CPAP: variants seen among roughly 807,000 people sequenced by gnomAD.
CPAP encodes the protein centrosome assembly and centriole elongation protein.
chr13:24,892,346 A>G, the CPAP span, among the ~76,000 whole-genome samples: 1 of 152,242 alleles, frequency 6.6e-6, no homozygotes, highest in Non-Finnish European at 1.5e-5. Context: ...CAATGCTTGA[A>G]AAATCATTTT....
chr13:24,888,570 G>GCTGA, the CPAP span, among the ~76,000 whole-genome samples: 2 of 148,332 alleles, frequency 1.3e-5, no homozygotes, highest in Non-Finnish European at 3.0e-5. Context: ...AGCATACTCT[G>GCTGA]CTGACAGTAA....
the CPAP span, chr13:24,886,482 C>CTAAT: frequency 3.5e-6 from 2 of 574,600 alleles, no homozygotes; most frequent in East Asian, 6.7e-5. Context: ...TTCAATGTAA[C>CTAAT]TAATAGATCC....
chr13:24,900,597 G>A, the CPAP span, among the ~76,000 whole-genome samples: 3 of 152,088 alleles, frequency 2.0e-5, no homozygotes, highest in Admixed American at 6.6e-5. Flanking sequence ...AGCCGAGATC[G>A]CACCATTGCA....
the CPAP span, among the ~76,000 whole-genome samples, chr13:24,928,281 G>A: frequency 6.6e-6 from 1 of 152,186 alleles, no homozygotes; most frequent in East Asian, 1.9e-4. Flanking sequence ...GGTGATCCGG[G>A]CTAGAAAGGG....
At chr13:24,901,068 C>T in the CPAP span, among the ~76,000 whole-genome samples, 1 of 152,072 alleles carries the variant, frequency 6.6e-6, no homozygotes, top group Non-Finnish European at 1.5e-5. Flanking sequence ...GGATCTGGGG[C>T]GTAACAGCAT....
chr13:24,906,429 C>A, the CPAP span: 1 of 1,613,710 alleles, frequency 6.2e-7, no homozygotes, highest in East Asian at 2.2e-5. Context: ...CTCTTAGCAG[C>A]CAGCCGGCTG....
chr13:24,923,283 T>G, the CPAP span, among the ~76,000 whole-genome samples: 4 of 151,664 alleles, frequency 2.6e-5, no homozygotes, highest in Middle Eastern at 3.2e-3. Context: ...TATTTTGTCG[T>G]TTTTTTGGTT....
the CPAP span, among the ~76,000 whole-genome samples, chr13:24,915,461 T>G: frequency 6.6e-6 from 1 of 152,262 alleles, no homozygotes; most frequent in South Asian, 2.1e-4. Flanking sequence ...AGATGGTATT[T>G]AAAGCCTTGA....
the CPAP span, chr13:24,905,874 C>A: frequency 6.2e-7 from 1 of 1,614,200 alleles, no homozygotes; most frequent in Non-Finnish European, 8.5e-7. Flanking sequence ...ATGCCCCTCT[C>A]TCTATCCTCA....
chr13:24,905,248 G>T, the CPAP span: 1 of 1,153,138 alleles, frequency 8.7e-7, no homozygotes, highest in Non-Finnish European at 1.3e-6. Flanking sequence ...ATTCTATTGA[G>T]CAATAAGGAA....
chr13:24,911,727 A>G, the CPAP span, among the ~76,000 whole-genome samples: 26 of 150,964 alleles, frequency 1.7e-4, no homozygotes, highest in South Asian at 4.6e-3. Flanking sequence ...TTTAATGAAT[A>G]AACATCAATG....
At chr13:24,891,549 T>C in the CPAP span, among the ~76,000 whole-genome samples, 1 of 152,036 alleles carries the variant, frequency 6.6e-6, no homozygotes, top group African/African-American at 2.4e-5. Context: ...TCCTGACTCC[T>C]TCCTTGCTGT....
chr13:24,931,306 C>CTTTCT, the CPAP span, among the ~76,000 whole-genome samples: 1 of 72,646 alleles, frequency 1.4e-5, no homozygotes, highest in African/African-American at 6.6e-5. Context: ...TTTCATGTTT[C>CTTTCT]TTTTTTTTTT....
At chr13:24,893,483 G>A in the CPAP span, among the ~76,000 whole-genome samples, 1 of 152,246 alleles carries the variant, frequency 6.6e-6, no homozygotes, top group Non-Finnish European at 1.5e-5. Context: ...GGCAGCAGGT[G>A]CGGCCCGGCC....
the CPAP span, among the ~76,000 whole-genome samples, chr13:24,921,121 C>G: frequency 1.3e-5 from 2 of 152,176 alleles, no homozygotes; most frequent in African/African-American, 4.8e-5. Flanking sequence ...CACAACTTTG[C>G]TCCAAGAATG....
the CPAP span, among the ~76,000 whole-genome samples, chr13:24,918,263 T>C: frequency 6.6e-6 from 1 of 152,174 alleles, no homozygotes; most frequent in Non-Finnish European, 1.5e-5. Context: ...CAACCACAAT[T>C]TGCTGTGGCA....
chr13:24,910,190 C>T, the CPAP span: 1 of 1,037,132 alleles, frequency 9.6e-7, no homozygotes, highest in Non-Finnish European at 1.5e-6. Flanking sequence ...ACAGTGACAA[C>T]AGTATTTTTT....
the CPAP span, among the ~76,000 whole-genome samples, chr13:24,901,374 A>G: frequency 1.3e-5 from 2 of 152,206 alleles, no homozygotes; most frequent in African/African-American, 4.8e-5. Flanking sequence ...CAGGTGAAAG[A>G]TGGCATAATT....
At chr13:24,900,679 C>A in the CPAP span, among the ~76,000 whole-genome samples, 1 of 152,018 alleles carries the variant, frequency 6.6e-6, no homozygotes, top group South Asian at 2.1e-4. Flanking sequence ...TCAGATGAAC[C>A]GTCCAAACGC....
Sources: allele counts gnomAD v4.1 joint callset (sites outside exome capture counted in the v4.1 genomes callset), GRCh38; gene constraint gnomAD v4.1.1; transcripts MANE v1.5; gene names NCBI Gene and HGNC (gene_info 2026-07-23, HGNC 2026-07-21).